ZNF184: variants seen among roughly 807,000 people sequenced by gnomAD.
ZNF184 encodes zinc finger protein 184 (Kruppel-like).
A neutral mutation model predicts 54.4 loss-of-function variants in ZNF184; 16 were observed. The observed-to-expected ratio is 0.29, with a 90% CI of 0.20 to 0.45. The LOEUF (loss-of-function observed/expected upper bound fraction) is 0.45, where lower values mean the gene tolerates loss of function less well. ZNF184 is among the 20% of genes least tolerant of loss of function. The pLI is 1.00. For synonymous variants in ZNF184, 254 were observed against 295.3 expected (o/e 0.86, Z 1.43); for missense variants, 681 against 888.2 (o/e 0.77, Z 2.97).
chr6:27,425,826 T>A, the ZNF184 span, among the ~76,000 whole-genome samples: 105,683 of 151,942 alleles, frequency 0.7, 36,766 homozygotes, highest in Middle Eastern at 0.8. Context: ...TCTGAAACTA[T>A]ATAAATCTTA....
the ZNF184 span, among the ~76,000 whole-genome samples, chr6:27,435,390 A>G: frequency 6.6e-6 from 1 of 152,044 alleles, no homozygotes; most frequent in Non-Finnish European, 1.5e-5. Flanking sequence ...TAAGTATTTT[A>G]TTTTTATGCA....
chr6:27,452,606 C>T lies in ZNF184; in HGVS notation c.953G>A (p.Arg318Lys), dbSNP rs971659481. The T allele has an allele frequency of 6.2e-6, 10 of 1,613,664 alleles. No homozygotes were observed. The highest frequency in any genetic ancestry group is 8.5e-6 in the Non-Finnish European group (10 of 1,179,944). The stretch of plus-strand genomic sequence containing the variant: ...TCTCTGATGCTGAACAAGATGGGTC[C>T]TCTGACTAAAGGCTTTCCCACATTC... ...CDECGKAFSQRTHLVQHQRIH... is the reference protein window; with the variant it reads ...CDECGKAFSQKTHLVQHQRIH... Residue 318 changes from arginine (R) to lysine (K), a missense_variant, in exon 6 of 6, where the codon AGG (arginine) becomes AAG (lysine). Transcript: ENST00000683788. The surrounding 1 kb of genome is among the most constrained non-coding windows in gnomAD (Gnocchi z 5.5).
At chr6:27,465,036 A>AAAAAAAAAAG (rs1763093159) in intron 3 of ZNF184, among the ~76,000 whole-genome samples, 1 of 148,908 alleles carries the variant, frequency 6.7e-6, no homozygotes, top group African/African-American at 2.5e-5. Flanking sequence ...AAAAAAAAAA[A>AAAAAAAAAAG]ATAGAGCTTC....
chr6:27,432,224 A>G, the ZNF184 span, among the ~76,000 whole-genome samples: 5 of 152,176 alleles, frequency 3.3e-5, no homozygotes, highest in Non-Finnish European at 1.5e-5. This position sits in a 1 kb window ranked among gnomAD's most constrained non-coding sequence, Gnocchi z 4.0. Flanking sequence ...CATAAAAGGA[A>G]ACAGACAATT....
At chr6:27,460,071 G>A (rs1762959109) in intron 3 of ZNF184, among the ~76,000 whole-genome samples, 2 of 152,198 alleles carry the variant, frequency 1.3e-5, no homozygotes, top group African/African-American at 4.8e-5. Context: ...GGAAGCTGAG[G>A]TGGGAGGATT....
At chr6:27,445,001 G>A in the ZNF184 span, among the ~76,000 whole-genome samples, 1 of 152,186 alleles carries the variant, frequency 6.6e-6, no homozygotes, top group South Asian at 2.1e-4. Context: ...AACATGGGTG[G>A]TGGGAGTGTA....
At chr6:27,471,755 T>C (rs1217586945) in intron 2 of ZNF184, among the ~76,000 whole-genome samples, 1 of 152,184 alleles carries the variant, frequency 6.6e-6, no homozygotes, top group Non-Finnish European at 1.5e-5. Context: ...GAACAGACAG[T>C]TTCCTTTTCT....
chr6:27,424,308 C>T, the ZNF184 span, among the ~76,000 whole-genome samples: 4 of 152,162 alleles, frequency 2.6e-5, no homozygotes, highest in Non-Finnish European at 5.9e-5. Context: ...GAGTAAGCAG[C>T]AGCAAGATTT....
chr6:27,446,415 C>T (rs1183922328), downstream of ZNF184, among the ~76,000 whole-genome samples: 2 of 152,196 alleles, frequency 1.3e-5, no homozygotes, highest in East Asian at 3.9e-4. Context: ...AGCTGTAGAG[C>T]TTGGCAGTGT....
the ZNF184 span, among the ~76,000 whole-genome samples, chr6:27,437,862 A>G: frequency 6.6e-6 from 1 of 152,232 alleles, no homozygotes; most frequent in Non-Finnish European, 1.5e-5. Flanking sequence ...GGAGATCAAA[A>G]GAGTAATTTT....
the ZNF184 span, among the ~76,000 whole-genome samples, chr6:27,442,843 AAAG>A: frequency 0.017 from 1,113 of 66,668 alleles, 161 homozygotes; most frequent in Middle Eastern, 0.07. Context: ...AGAAAGAAAG[AAAG>A]AAAGAAAGAA....
chr6:27,439,472 G>A, the ZNF184 span, among the ~76,000 whole-genome samples: 1 of 152,140 alleles, frequency 6.6e-6, no homozygotes, highest in African/African-American at 2.4e-5. Flanking sequence ...CATGGACATT[G>A]CCATGGCTTC....
chr6:27,469,472 C>T (rs143212355), intron 2 of ZNF184, among the ~76,000 whole-genome samples: 2,599 of 152,144 alleles, frequency 0.017, 47 homozygotes, highest in African/African-American at 0.045. Flanking sequence ...GAAACCCCAT[C>T]TCTACTAAAA....
chr6:27,415,107 G>C, the ZNF184 span, among the ~76,000 whole-genome samples: 1 of 152,200 alleles, frequency 6.6e-6, no homozygotes, highest in South Asian at 2.1e-4. Context: ...AGTATACAAT[G>C]GGCTGGTTGT....
At chr6:27,407,631 G>T in the ZNF184 span, 1 of 598,908 alleles carries the variant, frequency 1.7e-6, no homozygotes, top group South Asian at 1.8e-5. Context: ...ACAAGTGGAG[G>T]TGTGTGCCTG....
downstream of ZNF184, among the ~76,000 whole-genome samples, chr6:27,448,794 G>C (rs997610639): frequency 6.6e-6 from 1 of 151,260 alleles, no homozygotes; most frequent in African/African-American, 2.4e-5. Flanking sequence ...TCAAGCATGT[G>C]AACCCAAGAA....
rs1368264773 is a variant in ZNF184 at position 27,451,546 on chromosome 6, C to T, written c.2013G>A (p.Lys671=). 3 of 1,613,900 alleles carry T rather than the reference C, an allele frequency of 1.9e-6. No individual in the cohort carries two copies. The highest frequency in any genetic ancestry group is 2.5e-6 in the Non-Finnish European group (3 of 1,179,990). Residue 671 remains lysine (K), a synonymous_variant, in exon 6 of 6, where the codon AAG becomes AAA. Transcript: ENST00000683788. ...TAAAGGCTTTGTCACATTCATTGCA[C>T]TTATAGGGCTTCTCCCCAGTGTGAA... ...QRIHTGEKPY[K]CNECDKAFSR...
At chr6:27,423,161 G>A in the ZNF184 span, among the ~76,000 whole-genome samples, 1 of 152,202 alleles carries the variant, frequency 6.6e-6, no homozygotes, top group Non-Finnish European at 1.5e-5. Flanking sequence ...GCTGCTTATC[G>A]TCACAGTACC....
At chr6:27,464,324 T>C (rs904891318) in intron 3 of ZNF184, among the ~76,000 whole-genome samples, 2 of 152,188 alleles carry the variant, frequency 1.3e-5, no homozygotes, top group African/African-American at 4.8e-5. Context: ...ATTTATAACA[T>C]ATGTAACAAG....
Sources: gnomAD v4.1 joint callset for allele counts (sites outside exome capture counted in the v4.1 genomes callset) on GRCh38, gnomAD v4.1.1 for gene constraint, Gnocchi (gnomAD v3.1) non-coding constraint, MANE v1.5 for transcripts, NCBI Gene and HGNC (gene_info 2026-07-23, HGNC 2026-07-21) for gene names.